Variants in ZC3H12B observed in about 807,000 individuals in gnomAD.
ZC3H12B encodes zinc finger CCCH-type containing 12B.
A neutral mutation model predicts 43.9 loss-of-function variants in ZC3H12B; 7 were observed. That is an observed-to-expected ratio of 0.16 (90% confidence interval 0.09 to 0.30). The LOEUF (loss-of-function observed/expected upper bound fraction) is 0.30. ZC3H12B is among the 10% of genes least tolerant of loss of function. ZC3H12B has a pLI of 1.00. For synonymous variants in ZC3H12B, 222 were observed against 241.7 expected, an observed-to-expected ratio of 0.92 and a Z score of 0.76; for missense variants, 475 against 670.2, an observed-to-expected ratio of 0.71 and a Z score of 3.22.
At chrX:65,420,740 A>C (rs1304961813) in intron 3 of ZC3H12B, among the ~76,000 whole-genome samples, 1 of 111,815 alleles carries the variant, frequency 8.9e-6, no homozygotes, top group Non-Finnish European at 1.9e-5. Context: ...AAGTTCCATA[A>C]ATAAATAGAA....
chrX:65,169,489 G>C, the ZC3H12B span, among the ~76,000 whole-genome samples: 2 of 112,050 alleles, frequency 1.8e-5, no homozygotes, highest in African/African-American at 6.5e-5. Context: ...GCAATATGGT[G>C]CTGAGAAGAA....
chrX:65,405,575 G>A (rs1163189141), intron 3 of ZC3H12B, among the ~76,000 whole-genome samples: 2 of 111,314 alleles, frequency 1.8e-5, no homozygotes, highest in Non-Finnish European at 3.8e-5. Flanking sequence ...AGCCAAGATA[G>A]CAGCACTGCA....
chrX:65,404,839 G>A (rs1358327535), intron 3 of ZC3H12B, among the ~76,000 whole-genome samples: 1 of 112,073 alleles, frequency 8.9e-6, no homozygotes, highest in Non-Finnish European at 1.9e-5. Flanking sequence ...TTGATCTGCA[G>A]TATAGATCAA....
chrX:65,487,981 C>T (rs2148222421), upstream of ZC3H12B, among the ~76,000 whole-genome samples: 1 of 112,069 alleles, frequency 8.9e-6, no homozygotes, highest in Non-Finnish European at 1.9e-5. Context: ...ACGCCATTCT[C>T]CTGCCTCAGC....
In ZC3H12B at chrX:65,469,490, A is replaced by G. The variant is rs777437639; in HGVS notation, n.408-19156A>G. On this transcript the variant is annotated intron_variant and non_coding_transcript_variant, in intron 3 of 5. Coordinates refer to the ZC3H12B transcript ENST00000617377. ...AGCTCACTGGCTGCCACAAAAACAA[A>G]TTGGTAAAGCTGGAGGATGTAAAAT... 374 of 374,478 alleles carry G rather than the reference A, an allele frequency of 1.0e-3. 1 individual carries two copies. Among genetic ancestry groups the G allele is most frequent in the Non-Finnish European group, 7.2e-4 (145 of 201,435 alleles). The allele number at this position is 374,478 out of a possible 1,213,427, so 30.9% of individuals were successfully genotyped here.
At chrX:65,328,404 A>G in the ZC3H12B span, 1 of 248,638 alleles carries the variant, frequency 4.0e-6, no homozygotes, top group South Asian at 5.5e-5. Context: ...CTTGGAAGAA[A>G]GATAAAAGAG....
chrX:65,468,744 C>G (rs1467760153), intron 3 of ZC3H12B, among the ~76,000 whole-genome samples: 1 of 106,562 alleles, frequency 9.4e-6, no homozygotes, highest in Non-Finnish European at 1.9e-5. Flanking sequence ...CCTCGGCCTC[C>G]ACGCCTGGCC....
chrX:65,366,134 C>T (rs948531380), upstream of ZC3H12B, among the ~76,000 whole-genome samples: 2 of 108,332 alleles, frequency 1.8e-5, no homozygotes, highest in Non-Finnish European at 1.9e-5. Flanking sequence ...AACTGTCTAT[C>T]GCAGCAATAT....
At chrX:65,320,667 C>T in the ZC3H12B span, among the ~76,000 whole-genome samples, 1 of 112,198 alleles carries the variant, frequency 8.9e-6, no homozygotes, top group Non-Finnish European at 1.9e-5. Context: ...ATTACAATAA[C>T]CTAAACAGCA....
At chrX:65,223,076 A>G in the ZC3H12B span, among the ~76,000 whole-genome samples, 31 of 112,097 alleles carry the variant, frequency 2.8e-4, no homozygotes, top group African/African-American at 1.0e-3. Context: ...CCCAGAAATA[A>G]AGCCAAATAC....
At chrX:65,041,812 G>C in the ZC3H12B span, among the ~76,000 whole-genome samples, 4 of 111,792 alleles carry the variant, frequency 3.6e-5, no homozygotes, top group African/African-American at 1.3e-4. Flanking sequence ...ATGCATATTG[G>C]TACTGATTTG....
chrX:65,260,509 T>C, the ZC3H12B span, among the ~76,000 whole-genome samples: 1 of 111,385 alleles, frequency 9.0e-6, no homozygotes, highest in East Asian at 2.8e-4. Context: ...GCACATCAAA[T>C]CTTTGTTAAA....
the ZC3H12B span, among the ~76,000 whole-genome samples, chrX:65,139,833 C>T: frequency 9.0e-6 from 1 of 111,306 alleles, no homozygotes; most frequent in Non-Finnish European, 1.9e-5. Context: ...AAGCATTTTA[C>T]TTTTTGTGTA....
chrX:65,268,956 T>G, the ZC3H12B span, among the ~76,000 whole-genome samples: 1 of 112,526 alleles, frequency 8.9e-6, no homozygotes, highest in East Asian at 2.8e-4. Flanking sequence ...GCAGATTACA[T>G]GACTTTAAAT....
At chrX:65,392,282 G>C (rs2148033432) in intron 2 of ZC3H12B, among the ~76,000 whole-genome samples, 2 of 110,790 alleles carry the variant, frequency 1.8e-5, no homozygotes, top group East Asian at 5.7e-4. Context: ...GAAATGAGGA[G>C]TGCCTCTTCC....
chrX:65,075,980 C>T, the ZC3H12B span, among the ~76,000 whole-genome samples: 1 of 111,208 alleles, frequency 9.0e-6, no homozygotes, highest in Admixed American at 9.5e-5. Context: ...ATGCAGGAGC[C>T]TTTTAACTAG....
the ZC3H12B span, among the ~76,000 whole-genome samples, chrX:65,228,384 C>T: frequency 4.5e-5 from 5 of 111,454 alleles, no homozygotes; most frequent in African/African-American, 1.6e-4. Flanking sequence ...GGACGTATCT[C>T]AAAATAATAA....
the ZC3H12B span, among the ~76,000 whole-genome samples, chrX:65,149,442 A>T: frequency 8.9e-6 from 1 of 111,868 alleles, no homozygotes; most frequent in Non-Finnish European, 1.9e-5. Context: ...GTTATTTAAC[A>T]TTCCTTTAGG....
chrX:65,117,776 A>C, the ZC3H12B span, among the ~76,000 whole-genome samples: 1 of 112,015 alleles, frequency 8.9e-6, no homozygotes, highest in Non-Finnish European at 1.9e-5. Flanking sequence ...AGCTTTCTAC[A>C]TATGGCTATC....
Sources: gnomAD v4.1 joint callset for allele counts (sites outside exome capture counted in the v4.1 genomes callset) on GRCh38, gnomAD v4.1.1 for gene constraint, MANE v1.5 for transcripts, NCBI Gene and HGNC (gene_info 2026-07-23, HGNC 2026-07-21) for gene names.